Variants in PTPRN2 observed in about 807,000 individuals in gnomAD.
PTPRN2 encodes the protein protein tyrosine phosphatase receptor type N2, also known as receptor-type tyrosine-protein phosphatase N2.
Under a neutral mutation model 118.8 loss-of-function variants are expected in PTPRN2, and 74 were observed. That is an observed-to-expected ratio of 0.62 (90% confidence interval 0.52 to 0.76). The LOEUF (loss-of-function observed/expected upper bound fraction) is 0.76. PTPRN2 is among the 30% of genes least tolerant of loss of function. The pLI is 0.00. For synonymous variants in PTPRN2, 641 were observed against 608.0 expected (o/e 1.05, Z -0.80); for missense variants, 1,481 against 1,394.4 (o/e 1.06, Z -0.99).
chr7:158,270,806 TCACCTGGACC>T (rs1798323465), intron 3 of PTPRN2, among the ~76,000 whole-genome samples: 1 of 6,398 alleles, frequency 1.6e-4, no homozygotes, highest in Non-Finnish European at 3.3e-4. Context: ...GACCACCCCC[TCACCTGGACC>T]GCCCCCTCCA....
In PTPRN2 at chr7:157,845,377, G is replaced by A. The variant is rs1201619116; in HGVS notation, c.1788+53296C>T. ...CCTAACTCACCATGTTCCCGGCCAC[G>A]CCACAGTGAATCACGCAGCCTAACT... On this transcript the variant is annotated intron_variant, in intron 12 of 22. Transcript: ENST00000389418. This position sits in a 1 kb window ranked among gnomAD's most constrained non-coding sequence, Gnocchi z 4.5. Among the ~76,000 whole-genome samples, 5 of 146,662 alleles carry A rather than the reference G, an allele frequency of 3.4e-5. No homozygotes were observed. Among genetic ancestry groups the A allele is most frequent in the South Asian group, 2.2e-4 (1 of 4,478 alleles).
At chr7:158,461,010 A>G (rs1299616114) in intron 2 of PTPRN2, among the ~76,000 whole-genome samples, 1 of 152,224 alleles carries the variant, frequency 6.6e-6, no homozygotes, top group African/African-American at 2.4e-5. Flanking sequence ...TGCACAAACT[A>G]CAACATCCTC....
At chr7:158,202,514 G>A (rs569506361) in intron 4 of PTPRN2, among the ~76,000 whole-genome samples, 1 of 152,308 alleles carries the variant, frequency 6.6e-6, no homozygotes, top group African/African-American at 2.4e-5. Flanking sequence ...TCCATGCTGG[G>A]TGCAGCTTGT....
intron 14 of PTPRN2, among the ~76,000 whole-genome samples, chr7:157,639,018 G>C (rs1387687547): frequency 6.6e-6 from 1 of 152,006 alleles, no homozygotes; most frequent in African/African-American, 2.4e-5. Flanking sequence ...CCATCGGTAG[G>C]ATGTCTTTCT....
chr7:158,415,812 A>G (rs573999409), intron 2 of PTPRN2, among the ~76,000 whole-genome samples: 2 of 152,356 alleles, frequency 1.3e-5, no homozygotes, highest in Admixed American at 1.3e-4. Context: ...CAGGTGATTT[A>G]GCCTAGTTTT....
chr7:157,728,833 C>T (rs1468051392), intron 12 of PTPRN2, among the ~76,000 whole-genome samples: 1 of 152,146 alleles, frequency 6.6e-6, no homozygotes, highest in Non-Finnish European at 1.5e-5. Flanking sequence ...ACCTCAAATC[C>T]CCCAGAAGAG....
chr7:157,969,962 G>T (rs1199161942), intron 11 of PTPRN2, among the ~76,000 whole-genome samples: 1 of 152,230 alleles, frequency 6.6e-6, no homozygotes, highest in Non-Finnish European at 1.5e-5. Flanking sequence ...CCCTGAAGGT[G>T]CAGGGACTTA....
intron 9 of PTPRN2, among the ~76,000 whole-genome samples, chr7:158,123,934 G>A (rs1817394919): frequency 6.7e-6 from 1 of 149,470 alleles, no homozygotes; most frequent in African/African-American, 2.5e-5. Flanking sequence ...TTTGACCTCA[G>A]ATCCCGTGCC....
At chr7:158,069,784 A>G (rs751318528) in intron 11 of PTPRN2, among the ~76,000 whole-genome samples, 7 of 152,248 alleles carry the variant, frequency 4.6e-5, no homozygotes, top group South Asian at 2.1e-4. Context: ...CGCAAGGCCA[A>G]TGGACATCTT....
At chr7:158,407,047 A>G (rs904316552) in intron 2 of PTPRN2, among the ~76,000 whole-genome samples, 3 of 152,128 alleles carry the variant, frequency 2.0e-5, no homozygotes, top group African/African-American at 7.2e-5. Flanking sequence ...CTCCAGGGAG[A>G]CCCAGCAAGA....
At chr7:157,988,440 C>T (rs1237143492) in intron 11 of PTPRN2, among the ~76,000 whole-genome samples, 3 of 152,198 alleles carry the variant, frequency 2.0e-5, no homozygotes, top group East Asian at 1.9e-4. Context: ...GTCCTGCCTG[C>T]ACGTCTTGAC....
chr7:158,123,039 T>C (rs1286250180), intron 9 of PTPRN2, among the ~76,000 whole-genome samples: 1 of 152,164 alleles, frequency 6.6e-6, no homozygotes, highest in Non-Finnish European at 1.5e-5. Flanking sequence ...CATTTTACTA[T>C]TTACTGCAAA....
At chr7:157,744,682 A>G (rs1800818347) in intron 12 of PTPRN2, among the ~76,000 whole-genome samples, 1 of 152,202 alleles carries the variant, frequency 6.6e-6, no homozygotes, top group Non-Finnish European at 1.5e-5. Flanking sequence ...CTTCAGTACC[A>G]TCAGAACGTG....
rs140664523 is a variant in PTPRN2 at position 157,989,226 on chromosome 7, T to C, written c.1724-90489A>G. 4.3e-3 allele frequency among the ~76,000 whole-genome samples: 656 copies of C among 152,206 alleles called. 5 individuals carry two copies. Among genetic ancestry groups the C allele is most frequent in the African/African-American group, 0.015 (625 of 41,514 alleles). ...TAAGCCCAGGAGTTTGAGACCAGCC[T>C]GGGCAACATGGTGAAACTCTGTCTC... is the stretch of plus-strand genomic sequence containing the variant. On this transcript the variant is annotated intron_variant, in intron 11 of 22. Coordinates refer to ENST00000389418, the MANE Select transcript of PTPRN2 (RefSeq NM_002847.5).
chr7:157,742,237 G>T (rs1800676494), intron 12 of PTPRN2, among the ~76,000 whole-genome samples: 1 of 152,186 alleles, frequency 6.6e-6, no homozygotes, highest in African/African-American at 2.4e-5. Context: ...GGTGACTGGG[G>T]TAACGCGTTA....
At chr7:158,100,263 G>A (rs975134644) in intron 10 of PTPRN2, among the ~76,000 whole-genome samples, 3 of 151,962 alleles carry the variant, frequency 2.0e-5, no homozygotes, top group African/African-American at 7.3e-5. Context: ...GTGTGTGTGT[G>A]TGTGTGTGTG....
intron 12 of PTPRN2, among the ~76,000 whole-genome samples, chr7:157,896,319 C>T (rs887916378): frequency 6.6e-6 from 1 of 152,110 alleles, no homozygotes; most frequent in Non-Finnish European, 1.5e-5. Flanking sequence ...AAGTGCCCAG[C>T]AGAGGACAGG....
intron 12 of PTPRN2, among the ~76,000 whole-genome samples, chr7:157,698,804 G>A (rs1796235): frequency 0.064 from 9,801 of 152,186 alleles, 474 homozygotes; most frequent in East Asian, 0.24. Context: ...CATAAGGCAC[G>A]TATTTAATAG....
chr7:157,988,123 C>T (rs975066193), intron 11 of PTPRN2, among the ~76,000 whole-genome samples: 3 of 152,216 alleles, frequency 2.0e-5, no homozygotes, highest in Non-Finnish European at 4.4e-5. Context: ...CCCTGCCTTT[C>T]CCGAATTGTT....
Sources: allele counts gnomAD v4.1 joint callset (sites outside exome capture counted in the v4.1 genomes callset), GRCh38; gene constraint gnomAD v4.1.1; non-coding constraint Gnocchi (gnomAD v3.1); transcripts MANE v1.5; gene names NCBI Gene and HGNC (gene_info 2026-07-23, HGNC 2026-07-21).